The following LIN28B variants were observed in gnomAD, a reference collection of about 807,000 sequenced individuals.
LIN28B encodes the protein protein lin-28 homolog B.
In LIN28B, 5 loss-of-function variants were observed where a neutral mutation model predicts 21.9. The observed-to-expected ratio is 0.23, with a 90% CI of 0.12 to 0.48. LIN28B has a LOEUF of 0.48. Ranked by LOEUF, LIN28B falls within the 20% of genes least tolerant of loss-of-function variation. The probability of loss-of-function intolerance (pLI) is 0.98; values close to 1 mark genes in which losing one functional copy is unlikely to be tolerated. For missense variants in LIN28B, 245 were observed against 310.5 expected (o/e 0.79, Z 1.58); for synonymous variants, 109 against 111.3 (o/e 0.98, Z 0.13).
chr6:104,959,294 TAAAA>T (rs1160684306), intron 2 of LIN28B, among the ~76,000 whole-genome samples: 1 of 152,126 alleles, frequency 6.6e-6, no homozygotes. Context: ...TAATCTAAGT[TAAAA>T]AGAATTGAAT....
intron 3 of LIN28B, among the ~76,000 whole-genome samples, chr6:105,043,341 C>CAAAAAAAAAAAAAAAAAAAAAAA (rs57532096): frequency 4.0e-5 from 3 of 75,384 alleles, no homozygotes; most frequent in Non-Finnish European, 6.7e-5. Flanking sequence ...GACTCTGTCT[C>CAAAAAAAAAAAAAAAAAAAAAAA]AAAAAAAAAA....
At chr6:104,970,485 T>C (rs949506622) in intron 2 of LIN28B, among the ~76,000 whole-genome samples, 3 of 152,214 alleles carry the variant, frequency 2.0e-5, no homozygotes, top group African/African-American at 7.2e-5. Flanking sequence ...TCGATATGTG[T>C]CTTGTTTAAT....
intron 2 of LIN28B, among the ~76,000 whole-genome samples, chr6:104,948,619 T>C (rs1778185326): frequency 2.0e-5 from 3 of 152,234 alleles, no homozygotes; most frequent in African/African-American, 4.8e-5. Flanking sequence ...ACATTTAAAA[T>C]TATAAATATT....
chr6:104,984,893 C>T (rs1189357645), intron 2 of LIN28B, among the ~76,000 whole-genome samples: 2 of 152,130 alleles, frequency 1.3e-5, no homozygotes, highest in African/African-American at 2.4e-5. Context: ...CTATTTACAA[C>T]ATAAGTGCTA....
chr6:104,950,705 G>A (rs1449347070), intron 3 of LIN28B, among the ~76,000 whole-genome samples: 3 of 151,960 alleles, frequency 2.0e-5, no homozygotes, highest in South Asian at 2.1e-4. Flanking sequence ...TAAGAATTAC[G>A]TGGACAACCT....
At chr6:104,998,663 G>A (rs890847129) in intron 2 of LIN28B, among the ~76,000 whole-genome samples, 1 of 151,912 alleles carries the variant, frequency 6.6e-6, no homozygotes, top group African/African-American at 2.4e-5. Context: ...TTTATATTTA[G>A]ATAACCTATT....
rs1258346501 is a variant in LIN28B, at chr6:105,080,046, C to G, written c.*1263C>G. The G allele has an allele frequency of 2.6e-5, 4 of 152,148 alleles. No homozygotes were observed. Among genetic ancestry groups the G allele is most frequent in the Admixed American group, 2.0e-4 (3 of 15,270 alleles). 9.4% of individuals were successfully genotyped at this position (152,148 alleles called of 1,614,324 possible). On this transcript the variant is annotated 3_prime_UTR_variant, in exon 4 of 4. Transcript: ENST00000345080. Reference sequence around the variant, plus strand: ...AAGTATTTTATACAGTAACTTTGATCTTATGGAAGTGACCTTCAATGCTTA... The same window carrying G: ...AAGTATTTTATACAGTAACTTTGATGTTATGGAAGTGACCTTCAATGCTTA...
chr6:105,038,648 A>G (rs1315750616), intron 3 of LIN28B, among the ~76,000 whole-genome samples: 3 of 152,216 alleles, frequency 2.0e-5, no homozygotes, highest in Non-Finnish European at 4.4e-5. Context: ...GCTAGCCGTA[A>G]CCAAACTGAC....
At chr6:105,058,508 G>A (rs556432737) in intron 3 of LIN28B, among the ~76,000 whole-genome samples, 1 of 152,272 alleles carries the variant, frequency 6.6e-6, no homozygotes, top group East Asian at 1.9e-4. Flanking sequence ...TGTTGCTAGT[G>A]TTCTGTAGAT....
At chr6:104,947,471 T>G (rs908393285) in intron 2 of LIN28B, among the ~76,000 whole-genome samples, 1 of 152,214 alleles carries the variant, frequency 6.6e-6, no homozygotes, top group African/African-American at 2.4e-5. Context: ...AGCAGTCATT[T>G]TCCTTTACAT....
chr6:104,980,032 T>C (rs2114253616), intron 2 of LIN28B, among the ~76,000 whole-genome samples: 1 of 152,308 alleles, frequency 6.6e-6, no homozygotes, highest in South Asian at 2.1e-4. Flanking sequence ...ATTGATGTGC[T>C]TTTGCATACA....
At position 105,078,576 on chromosome 6, in the gene LIN28B, A is replaced by ATTT. The variant is rs781569563; in HGVS notation, c.546_547insTTT (p.Ala182_Glu183insPhe). 1.2e-6 allele frequency: 2 copies of ATTT among 1,614,190 alleles called. No homozygotes were observed. The highest frequency in any genetic ancestry group is 3.3e-5 in the Admixed American group (2 of 60,030). On this transcript the variant is annotated inframe_insertion, in exon 4 of 4. Transcript: ENST00000345080. ...CGAGTTCTCAGGGAAGACAGGAAGC[A>ATTT]GAATCCCAGCCATGCACTTCAACTC...
At chr6:105,032,298 A>G (rs1053859589) in intron 3 of LIN28B, among the ~76,000 whole-genome samples, 2 of 152,158 alleles carry the variant, frequency 1.3e-5, no homozygotes, top group African/African-American at 4.8e-5. Flanking sequence ...ATAAGGTCAT[A>G]TATGTATGTT....
Position 105,081,389 on chromosome 6 carries a change from A to G in LIN28B, c.*2606A>G, listed in dbSNP as rs897587212. On this transcript the variant is annotated 3_prime_UTR_variant, in exon 4 of 4. Coordinates refer to ENST00000345080, the MANE Select transcript of LIN28B (RefSeq NM_001004317.4). ...ATGTGAATATCACTGATGTGAACAC[A>G]TTGTTCATTTACATAGGTAAAATAT... 1.3e-5 allele frequency: 2 copies of G among 152,628 alleles called. No homozygotes were observed. The highest frequency in any genetic ancestry group is 4.8e-5 in the African/African-American group (2 of 41,466). 9.5% of individuals were successfully genotyped at this position (152,628 alleles called of 1,614,324 possible). A position where few individuals can be genotyped will look rare whatever the true frequency, so the allele number is the denominator to read the frequency against.
chr6:105,070,592 CCACACACACACACA>C lies in LIN28B; in HGVS notation c.384-7786_384-7773del, dbSNP rs752057191. On this transcript the variant is annotated intron_variant, in intron 3 of 3. Transcript: ENST00000345080. Reference sequence around the variant, plus strand: ...CAAAACTCTATCTCTATCAATAAAACCACACACACACACACACACACACACACACACACACACAC... The same window carrying C: ...CAAAACTCTATCTCTATCAATAAAACCACACACACACACACACACACACAC... Among the ~76,000 whole-genome samples the C allele has an allele frequency of 5.6e-3, 512 of 92,218 alleles. 8 individuals are homozygous for C. The highest frequency in any genetic ancestry group is 0.031 in the East Asian group (109 of 3,464). 60.5% of individuals were successfully genotyped at this position (92,218 alleles called of 152,430 possible).
chr6:105,028,587 T>A (rs375150537), intron 3 of LIN28B, among the ~76,000 whole-genome samples: 2 of 152,176 alleles, frequency 1.3e-5, no homozygotes, highest in East Asian at 1.9e-4. Context: ...CCAGGGTGAC[T>A]CCAAGGTTTT....
chr6:105,011,642 G>C (rs1770925833), intron 2 of LIN28B, among the ~76,000 whole-genome samples: 1 of 151,946 alleles, frequency 6.6e-6, no homozygotes. Context: ...CTGAGGTCAG[G>C]AGTTCAAAAC....
intron 2 of LIN28B, among the ~76,000 whole-genome samples, chr6:105,024,044 A>G (rs1771234118): frequency 6.6e-6 from 1 of 151,894 alleles, no homozygotes; most frequent in Non-Finnish European, 1.5e-5. Flanking sequence ...GTGCAGTGAC[A>G]CGATCTCGAT....
At chr6:105,017,734 A>G (rs1771057631) in intron 2 of LIN28B, among the ~76,000 whole-genome samples, 1 of 151,890 alleles carries the variant, frequency 6.6e-6, no homozygotes. Flanking sequence ...ACCGGGGACT[A>G]CTAGAGAAGG....
Sources: gnomAD v4.1 joint callset for allele counts (sites outside exome capture counted in the v4.1 genomes callset) on GRCh38, gnomAD v4.1.1 for gene constraint, MANE v1.5 for transcripts, NCBI Gene and HGNC (gene_info 2026-07-23, HGNC 2026-07-21) for gene names.